ENTREP1: variants seen among roughly 807,000 people sequenced by gnomAD.
The protein encoded by ENTREP1 is Friedreich ataxia region gene X123.
the ENTREP1 span, chr9:69,324,657 G>A: frequency 3.0e-6 from 3 of 985,252 alleles, no homozygotes; most frequent in Middle Eastern, 5.2e-4. Flanking sequence ...CCCTGTGAGC[G>A]GTAACTGCGC....
At chr9:69,325,120 C>T in the ENTREP1 span, 3 of 985,370 alleles carry the variant, frequency 3.0e-6, no homozygotes, top group Non-Finnish European at 2.4e-6. Flanking sequence ...CAGGTGGGTG[C>T]GGCCGGCTGG....
the ENTREP1 span, among the ~76,000 whole-genome samples, chr9:69,347,218 G>T: frequency 3.0e-4 from 46 of 152,230 alleles, no homozygotes; most frequent in Non-Finnish European, 1.5e-5. Context: ...AGCAGAAGGA[G>T]GCTGGGCCTG....
At chr9:69,390,199 T>C in the ENTREP1 span, among the ~76,000 whole-genome samples, 1 of 152,334 alleles carries the variant, frequency 6.6e-6, no homozygotes, top group South Asian at 2.1e-4. Context: ...ATGTAATTAG[T>C]AGACTGTTAA....
chr9:69,350,259 G>A, the ENTREP1 span, among the ~76,000 whole-genome samples: 2 of 152,128 alleles, frequency 1.3e-5, no homozygotes, highest in East Asian at 1.9e-4. Flanking sequence ...TGCATATGGT[G>A]TGAGGCAGGG....
the ENTREP1 span, among the ~76,000 whole-genome samples, chr9:69,359,882 A>G: frequency 1.3e-5 from 2 of 152,148 alleles, no homozygotes; most frequent in East Asian, 3.9e-4. Flanking sequence ...GTGAATTGAC[A>G]AGTACATTTG....
the ENTREP1 span, chr9:69,329,448 A>C: frequency 1.0e-6 from 1 of 984,122 alleles, no homozygotes; most frequent in Non-Finnish European, 1.2e-6. Flanking sequence ...TGAACTTTGA[A>C]GGTATATTTT....
chr9:69,328,509 G>A, the ENTREP1 span, among the ~76,000 whole-genome samples: 2 of 151,948 alleles, frequency 1.3e-5, no homozygotes, highest in East Asian at 1.9e-4. Flanking sequence ...TATACCTAAC[G>A]CTGCTCCCCC....
chr9:69,383,926 C>T, the ENTREP1 span: 1 of 1,607,026 alleles, frequency 6.2e-7, no homozygotes, highest in East Asian at 2.2e-5. Flanking sequence ...CAAAATAACC[C>T]TGTTTTTTGC....
At chr9:69,365,585 C>G in the ENTREP1 span, among the ~76,000 whole-genome samples, 2 of 152,064 alleles carry the variant, frequency 1.3e-5, no homozygotes, top group Admixed American at 6.6e-5. Flanking sequence ...TATAGTCACC[C>G]TACTCTGCTT....
the ENTREP1 span, among the ~76,000 whole-genome samples, chr9:69,389,395 G>T: frequency 6.6e-6 from 1 of 152,110 alleles, no homozygotes. Context: ...CTTTCTACCT[G>T]CTGGCCTCTT....
chr9:69,345,810 G>C, the ENTREP1 span, among the ~76,000 whole-genome samples: 1 of 151,968 alleles, frequency 6.6e-6, no homozygotes, highest in African/African-American at 2.4e-5. Flanking sequence ...CACCATCTTG[G>C]CCAGGCTGGT....
At chr9:69,328,455 C>T in the ENTREP1 span, among the ~76,000 whole-genome samples, 3 of 151,996 alleles carry the variant, frequency 2.0e-5, no homozygotes, top group African/African-American at 4.8e-5. Context: ...GTAATGATCC[C>T]GCATTTTACC....
the ENTREP1 span, chr9:69,377,829 A>T: frequency 1.4e-6 from 2 of 1,402,934 alleles, no homozygotes; most frequent in Non-Finnish European, 9.6e-7. Context: ...ACCACATGAG[A>T]TCTCACTTTT....
the ENTREP1 span, among the ~76,000 whole-genome samples, chr9:69,355,780 A>G: frequency 6.6e-6 from 1 of 152,162 alleles, no homozygotes; most frequent in South Asian, 2.1e-4. Flanking sequence ...ATGACTGGCA[A>G]GTGATACTGG....
chr9:69,349,151 T>C, the ENTREP1 span, among the ~76,000 whole-genome samples: 1 of 120,622 alleles, frequency 8.3e-6, no homozygotes, highest in Non-Finnish European at 1.6e-5. Flanking sequence ...ACCATGCTAC[T>C]CCAGCCTGGG....
chr9:69,391,953 G>A, the ENTREP1 span: 1 of 744,932 alleles, frequency 1.3e-6, no homozygotes, highest in Non-Finnish European at 2.2e-6. Flanking sequence ...GCTGACTGAG[G>A]GCATTCAGGA....
the ENTREP1 span, among the ~76,000 whole-genome samples, chr9:69,341,850 T>TTTAA: frequency 1.3e-3 from 197 of 152,238 alleles, 1 homozygote; most frequent in Admixed American, 2.5e-3. Context: ...AAACCTGGAT[T>TTTAA]TTAATGCTGA....
the ENTREP1 span, among the ~76,000 whole-genome samples, chr9:69,366,054 A>G: frequency 1.2e-4 from 19 of 152,118 alleles, no homozygotes; most frequent in Non-Finnish European, 2.1e-4. Flanking sequence ...CAGTAGTGGG[A>G]TTACTGGATC....
the ENTREP1 span, chr9:69,383,928 G>GT: frequency 2.1e-5 from 34 of 1,609,698 alleles, no homozygotes; most frequent in Non-Finnish European, 2.8e-5. Context: ...AAATAACCCT[G>GT]TTTTTTGCTG....
Sources: allele counts gnomAD v4.1 joint callset (sites outside exome capture counted in the v4.1 genomes callset), GRCh38; gene constraint gnomAD v4.1.1; transcripts MANE v1.5; gene names NCBI Gene and HGNC (gene_info 2026-07-23, HGNC 2026-07-21).